The following NBAS variants were observed in gnomAD, a reference collection of about 807,000 sequenced individuals.
NBAS encodes NAG/BC035112 fusion.
Under a neutral mutation model 302.5 loss-of-function variants are expected in NBAS, and 219 were observed. The observed-to-expected ratio is 0.72, with a 90% CI of 0.65 to 0.81. The LOEUF is 0.81. Among genes scored for constraint, NBAS ranks in the 30% least tolerant of loss-of-function variants. The probability of loss-of-function intolerance (pLI) is 0.00; values close to 1 mark genes in which losing one functional copy is unlikely to be tolerated. For synonymous variants in NBAS, 1,118 were observed against 1,021.6 expected, an observed-to-expected ratio of 1.09 and a Z score of -1.80; for missense variants, 2,932 against 2,841.6, an observed-to-expected ratio of 1.03 and a Z score of -0.72.
At chr2:15,547,852 A>G in intron 6 of NBAS, among the ~76,000 whole-genome samples, 1 of 152,200 alleles carries the variant, frequency 6.6e-6, no homozygotes, top group East Asian at 1.9e-4. Flanking sequence ...AAACTACAGA[A>G]GGTATATTCA....
chr2:15,506,367 C>T (rs1661850234), intron 10 of NBAS, among the ~76,000 whole-genome samples: 3 of 152,024 alleles, frequency 2.0e-5, no homozygotes, highest in Admixed American at 2.0e-4. Context: ...TATCAGATTT[C>T]AAAGATAAAG....
the NBAS span, among the ~76,000 whole-genome samples, chr2:14,832,673 C>A: frequency 6.6e-6 from 1 of 152,180 alleles, no homozygotes; most frequent in East Asian, 1.9e-4. Flanking sequence ...TGCCTAGAAC[C>A]AGCTGGGAAG....
the NBAS span, among the ~76,000 whole-genome samples, chr2:14,928,441 A>C: frequency 6.6e-6 from 1 of 152,254 alleles, no homozygotes; most frequent in African/African-American, 2.4e-5. Flanking sequence ...ACTTGGGAAG[A>C]GCTTTAGGTA....
At chr2:15,505,031 A>G (rs1661774854) in intron 10 of NBAS, among the ~76,000 whole-genome samples, 2 of 152,212 alleles carry the variant, frequency 1.3e-5, no homozygotes, top group Non-Finnish European at 2.9e-5. Flanking sequence ...AAAGGGAGAT[A>G]AATCTACACA....
the NBAS span, among the ~76,000 whole-genome samples, chr2:15,057,913 G>A: frequency 6.6e-6 from 1 of 152,144 alleles, no homozygotes; most frequent in Non-Finnish European, 1.5e-5. Context: ...ACTCCTGTAA[G>A]AATGGCCATA....
the NBAS span, among the ~76,000 whole-genome samples, chr2:14,807,452 TGA>T: frequency 3.4e-4 from 37 of 109,042 alleles, 1 homozygote; most frequent in African/African-American, 1.1e-3. Context: ...TGTGTGTGTG[TGA>T]GTGTGTGTGT....
chr2:15,488,382 A>C (rs1446970652), intron 12 of NBAS, among the ~76,000 whole-genome samples: 1 of 152,170 alleles, frequency 6.6e-6, no homozygotes, highest in African/African-American at 2.4e-5. Context: ...CTACATAACA[A>C]AATCATCTAA....
At chr2:14,987,742 A>C in the NBAS span, among the ~76,000 whole-genome samples, 1 of 152,194 alleles carries the variant, frequency 6.6e-6, no homozygotes, top group Non-Finnish European at 1.5e-5. Context: ...TATGCTACCC[A>C]TAATCTTACC....
the NBAS span, among the ~76,000 whole-genome samples, chr2:15,073,653 G>A: frequency 2.1e-4 from 32 of 151,836 alleles, no homozygotes; most frequent in African/African-American, 6.3e-4. Context: ...TAAGCAAAAT[G>A]TACTTTCTCA....
the NBAS span, among the ~76,000 whole-genome samples, chr2:14,872,967 C>T: frequency 2.4e-4 from 36 of 152,254 alleles, no homozygotes; most frequent in East Asian, 7.7e-4. Flanking sequence ...ATACAGGCAG[C>T]GCAGACCCAG....
the NBAS span, among the ~76,000 whole-genome samples, chr2:14,961,318 G>A: frequency 0.011 from 1,640 of 152,292 alleles, 34 homozygotes; most frequent in African/African-American, 0.038. Context: ...TGGAGGTGGG[G>A]CCTAGTAGGA....
At chr2:14,813,220 A>C in the NBAS span, among the ~76,000 whole-genome samples, 2 of 152,206 alleles carry the variant, frequency 1.3e-5, no homozygotes, top group Non-Finnish European at 2.9e-5. Context: ...AAGATACCTG[A>C]AAATGTGGAA....
Position 15,556,763 on chromosome 2 carries a change from C to T in NBAS, c.209+20G>A, listed in dbSNP as rs745705934. 4 of 1,585,274 alleles carry T rather than the reference C, an allele frequency of 2.5e-6. No individual in the cohort carries two copies. In the South Asian group the frequency reaches 3.3e-5, roughly 13 times the overall value. ...TATATTTGATGTTCATACTGTTTCT[C>T]TGAAGAACCGAAGACTCACCTGTAC... is the stretch of plus-strand genomic sequence containing the variant. On this transcript the variant is annotated intron_variant, in intron 3 of 51. Coordinates refer to ENST00000281513, the MANE Select transcript of NBAS (RefSeq NM_015909.4).
chr2:15,376,522 T>G (rs1674746198), intron 30 of NBAS, among the ~76,000 whole-genome samples: 1 of 152,184 alleles, frequency 6.6e-6, no homozygotes, highest in Admixed American at 6.6e-5. Flanking sequence ...AAGAGCTAAC[T>G]GCTTTAAACA....
At chr2:14,958,677 G>T in the NBAS span, among the ~76,000 whole-genome samples, 1 of 152,200 alleles carries the variant, frequency 6.6e-6, no homozygotes, top group Non-Finnish European at 1.5e-5. Flanking sequence ...GCTTCATGAG[G>T]CTTTGCTTTT....
the NBAS span, among the ~76,000 whole-genome samples, chr2:15,114,120 C>A: frequency 6.6e-6 from 1 of 152,182 alleles, no homozygotes; most frequent in Non-Finnish European, 1.5e-5. Context: ...ATAATCTAGC[C>A]TCTTCCAAAA....
chr2:15,325,088 C>G (rs1161003567), intron 38 of NBAS, among the ~76,000 whole-genome samples: 1 of 152,210 alleles, frequency 6.6e-6, no homozygotes, highest in African/African-American at 2.4e-5. Context: ...AAGCAGCCAT[C>G]TTTAAGACCT....
intron 11 of NBAS, among the ~76,000 whole-genome samples, chr2:15,491,752 A>G (rs1680866361): frequency 6.6e-6 from 1 of 152,130 alleles, no homozygotes; most frequent in African/African-American, 2.4e-5. Flanking sequence ...GAAAAAAAAA[A>G]AAGAAAAAGA....
chr2:14,891,542 A>G, the NBAS span, among the ~76,000 whole-genome samples: 3 of 152,134 alleles, frequency 2.0e-5, no homozygotes, highest in African/African-American at 7.2e-5. Flanking sequence ...TTTTCCAGAC[A>G]CCTTACCTAC....
Sources: allele counts gnomAD v4.1 joint callset (sites outside exome capture counted in the v4.1 genomes callset), GRCh38; gene constraint gnomAD v4.1.1; transcripts MANE v1.5; gene names NCBI Gene and HGNC (gene_info 2026-07-23, HGNC 2026-07-21).